NCAPD3: variants seen among roughly 807,000 people sequenced by gnomAD.
NCAPD3 encodes the protein non-SMC condensin II complex subunit D3.
NCAPD3 carries 105 observed loss-of-function variants against 182.9 expected under a neutral mutation model. That is an observed-to-expected ratio of 0.57 (90% confidence interval 0.49 to 0.68). The LOEUF (loss-of-function observed/expected upper bound fraction) is 0.68, where lower values mean the gene tolerates loss of function less well. Ranked by LOEUF, NCAPD3 falls within the 30% of genes least tolerant of loss-of-function variation. NCAPD3 has a pLI of 0.00. For missense variants in NCAPD3, 1,944 were observed against 1,837.0 expected, an observed-to-expected ratio of 1.06 and a Z score of -1.07; for synonymous variants, 815 against 679.9, an observed-to-expected ratio of 1.20 and a Z score of -3.09.
At chr11:134,190,328 T>C (rs925923234) in intron 16 of NCAPD3, among the ~76,000 whole-genome samples, 1 of 152,226 alleles carries the variant, frequency 6.6e-6, no homozygotes, top group Non-Finnish European at 1.5e-5. Flanking sequence ...TAGCTTCACC[T>C]TGCTTTCAGT....
chr11:134,207,706 T>C (rs1199773370), intron 7 of NCAPD3, among the ~76,000 whole-genome samples: 1 of 127,900 alleles, frequency 7.8e-6, no homozygotes, highest in Non-Finnish European at 1.5e-5. Context: ...ATCATGCCAC[T>C]GCACTCCAGC....
chr11:134,159,073 G>A (rs1396689980), intron 29 of NCAPD3, among the ~76,000 whole-genome samples: 5 of 152,204 alleles, frequency 3.3e-5, no homozygotes, highest in Admixed American at 6.5e-5. Flanking sequence ...ATCCACTGAT[G>A]GACATTTGTT....
At chr11:134,200,641 G>A (rs985086502) in intron 13 of NCAPD3, among the ~76,000 whole-genome samples, 2 of 152,154 alleles carry the variant, frequency 1.3e-5, no homozygotes, top group African/African-American at 4.8e-5. Flanking sequence ...TTGTAAAATG[G>A]TGTGGCCACT....
In NCAPD3 at chr11:134,211,707, T is replaced by A. The variant is rs560364999; in HGVS notation, c.383-1253A>T. Reference sequence around the variant, plus strand: ...TGAGGAGAGAAATGAAAAAAAAAAATTTTAAAGAAGCAAACAGAACTTCCT... The same window carrying A: ...TGAGGAGAGAAATGAAAAAAAAAAAATTTAAAGAAGCAAACAGAACTTCCT... On this transcript the variant is annotated intron_variant, in intron 3 of 34. Coordinates refer to ENST00000534548, the MANE Select transcript of NCAPD3 (RefSeq NM_015261.3). Among the ~76,000 whole-genome samples the A allele has an allele frequency of 1.4e-3, 210 of 150,140 alleles. 3 individuals carry two copies. In the East Asian group the frequency reaches 0.029, roughly 21 times the overall value.
chr11:134,175,830 T>G (rs1010097156), intron 24 of NCAPD3, among the ~76,000 whole-genome samples: 1 of 152,226 alleles, frequency 6.6e-6, no homozygotes, highest in Admixed American at 6.5e-5. Flanking sequence ...AATGCCCATT[T>G]CCAAGGAGTC....
At chr11:134,162,403 T>TTA (rs905697748) in intron 27 of NCAPD3, among the ~76,000 whole-genome samples, 9 of 152,080 alleles carry the variant, frequency 5.9e-5, no homozygotes, top group African/African-American at 2.2e-4. Context: ...TACTATGAAT[T>TTA]TATATATATA....
chr11:134,223,768 C>T (rs144391118), intron 1 of NCAPD3, 95 bp downstream of exon 1: 45,838 of 1,449,122 alleles, frequency 0.032, 981 homozygotes, highest in Middle Eastern at 0.046. Context: ...GCCCCCACCC[C>T]GCCCCCACCG....
intron 19 of NCAPD3, among the ~76,000 whole-genome samples, chr11:134,181,432 C>T (rs905538445): frequency 1.3e-5 from 2 of 151,920 alleles, no homozygotes; most frequent in African/African-American, 2.4e-5. Context: ...TTACATTTGC[C>T]CTATAAGAGC....
At chr11:134,167,849 G>T in intron 27 of NCAPD3, 147 bp downstream of exon 27, 1 of 777,620 alleles carries the variant, frequency 1.3e-6, no homozygotes, top group Admixed American at 2.3e-5. Context: ...TGAGCTTGGG[G>T]GAGCAGCACA....
Position 134,178,622 on chromosome 11 carries a change from T to C in NCAPD3, c.2782+12A>G, listed in dbSNP as rs746354936. 40 of 1,520,562 alleles carry C rather than the reference T, an allele frequency of 2.6e-5. No homozygotes were observed. The highest frequency in any genetic ancestry group is 3.4e-5 in the Non-Finnish European group (38 of 1,129,238). The allele number at this position is 1,520,562 out of a possible 1,614,324, so 94.2% of individuals were successfully genotyped here. A position where few individuals can be genotyped will look rare whatever the true frequency, so the allele number is the denominator to read the frequency against. ...AACGATGTCAAGCCCCATTCTCCCA[T>C]GTTTTTCTTACCTAAGGTAATGATG... On this transcript the variant is annotated intron_variant, in intron 22 of 34. Transcript: ENST00000534548.
chr11:134,225,060 G>C (rs1938413802), upstream of NCAPD3: 1 of 1,495,760 alleles, frequency 6.7e-7, no homozygotes, highest in Non-Finnish European at 9.0e-7. Context: ...CTTTACCTAG[G>C]GCAGCCCGCG....
At position 134,152,140 on chromosome 11, in the gene NCAPD3, C is replaced by G. The variant is rs1202988334; in HGVS notation, c.*804G>C. ...CCCACTAGTGCTAACAGAAGAGACT[C>G]AAGCTGTTCCCCCATCATGGGAGCA... is the stretch of plus-strand genomic sequence containing the variant. On this transcript the variant is annotated 3_prime_UTR_variant, in exon 35 of 35. Transcript: ENST00000534548. 2.6e-5 allele frequency: 4 copies of G among 152,270 alleles called. No homozygotes were observed. The highest frequency in any genetic ancestry group is 2.6e-4 in the Admixed American group (4 of 15,290). 9.4% of individuals were successfully genotyped at this position (152,270 alleles called of 1,614,324 possible).
intron 13 of NCAPD3, among the ~76,000 whole-genome samples, chr11:134,197,273 C>CTTTTT (rs35691982): frequency 1.7e-4 from 19 of 111,956 alleles, no homozygotes; most frequent in Admixed American, 5.8e-4. Flanking sequence ...AGTCTCACAT[C>CTTTTT]TTTTTTTTTT....
intron 1 of NCAPD3, 81 bp from the exon 2 acceptor site, chr11:134,220,807 AAG>A: frequency 7.4e-7 from 1 of 1,350,884 alleles, no homozygotes; most frequent in Non-Finnish European, 1.0e-6. Flanking sequence ...AGGTGTGTTC[AAG>A]AGGAGAAAAG....
intron 19 of NCAPD3, among the ~76,000 whole-genome samples, chr11:134,181,988 A>T (rs908015291): frequency 1.3e-5 from 2 of 152,230 alleles, no homozygotes; most frequent in Admixed American, 6.5e-5. Context: ...CAATGCTTTT[A>T]GTCTGACTTG....
At chr11:134,182,946 T>A in intron 19 of NCAPD3, 1 of 329,366 alleles carries the variant, frequency 3.0e-6, no homozygotes, top group Non-Finnish European at 6.0e-6. Flanking sequence ...GTCGGCAGAT[T>A]AAAACCGTGG....
chr11:134,153,335 T>C lies in NCAPD3; in HGVS notation c.4281A>G (p.Ala1427=), dbSNP rs1251082903. The C allele has an allele frequency of 1.2e-6, 2 of 1,614,084 alleles. No homozygotes were observed. Among genetic ancestry groups the C allele is most frequent in the African/African-American group, 2.7e-5 (2 of 74,936 alleles). ...EKSISDVTFG[A]GVSYIGTPRT... The stretch of plus-strand genomic sequence containing the variant: ...GTGGTGTCCCGATGTAACTGACCCC[T>C]GCTCCAAACGTGACATCACTGATGC... The change falls in exon 33 of 35, where the codon GCA becomes GCG. Residue 1427 remains alanine, a synonymous_variant. Transcript: ENST00000534548.
In NCAPD3 at chr11:134,168,337, C is replaced by A. The variant is rs1395771500; in HGVS notation, c.3373+132G>T. ...GTTTTGTCTGGGGCACAGCTGATGC[C>A]AGAGAAGGACAAGATGACAGGGGTC... is the stretch of plus-strand genomic sequence containing the variant. On this transcript the variant is annotated intron_variant, in intron 26 of 34. Transcript: ENST00000534548. 13 of 1,493,022 alleles carry A rather than the reference C, an allele frequency of 8.7e-6. No homozygotes were observed. In the Admixed American group the frequency reaches 2.2e-4, roughly 25 times the overall value. 92.5% of individuals were successfully genotyped at this position (1,493,022 alleles called of 1,614,324 possible).
At chr11:134,223,798 G>A (rs1938339820) in intron 1 of NCAPD3, 65 bp downstream of exon 1, 24 of 1,506,470 alleles carry the variant, frequency 1.6e-5, no homozygotes, top group Non-Finnish European at 2.2e-5. Context: ...CCCGGGCTTA[G>A]GCATCGTCGG....
Sources: gnomAD v4.1 joint callset for allele counts (sites outside exome capture counted in the v4.1 genomes callset) on GRCh38, gnomAD v4.1.1 for gene constraint, MANE v1.5 for transcripts, NCBI Gene and HGNC (gene_info 2026-07-23, HGNC 2026-07-21) for gene names.